MAPK4: variants seen among roughly 807,000 people sequenced by gnomAD.
The protein encoded by MAPK4 is mitogen-activated protein kinase 4.
Under a neutral mutation model 47.7 loss-of-function variants are expected in MAPK4, and 22 were observed. That is an observed-to-expected ratio of 0.46 (90% CI 0.33 to 0.66). The LOEUF (loss-of-function observed/expected upper bound fraction) is 0.66, where lower values mean the gene tolerates loss of function less well. MAPK4 is among the 30% of genes least tolerant of loss of function. MAPK4 has a pLI of 0.02. For synonymous variants in MAPK4, 390 were observed against 365.7 expected (o/e 1.07, Z -0.76); for missense variants, 736 against 831.7 (o/e 0.88, Z 1.42).
chr18:50,714,904 GC>G, intron 2 of MAPK4, among the ~76,000 whole-genome samples, 174 bp from the exon 3 acceptor site: 1 of 152,198 alleles, frequency 6.6e-6, no homozygotes, highest in Non-Finnish European at 1.5e-5. Flanking sequence ...ACCAGGCCCA[GC>G]CCCTCTAACC....
Position 50,678,827 on chromosome 18 carries a change from T to C in MAPK4, c.546+14323T>C, listed in dbSNP as rs948116888. ...GCAGCAGGAAAGGGGGAGCCATTCC[T>C]TGCCCTCCCTTTTGTGGCATGGCGG... On this transcript the variant is annotated intron_variant, in intron 2 of 5. Transcript: ENST00000400384. The surrounding 1 kb of genome is among the most constrained non-coding windows in gnomAD (Gnocchi z 4.2). Among the ~76,000 whole-genome samples the C allele has an allele frequency of 5.9e-5, 9 of 152,208 alleles. No individual in the cohort carries two copies. The highest frequency in any genetic ancestry group is 1.0e-4 in the Non-Finnish European group (7 of 68,034).
At chr18:50,563,109 C>T (rs1242865351) in intron 1 of MAPK4, among the ~76,000 whole-genome samples, 1 of 152,150 alleles carries the variant, frequency 6.6e-6, no homozygotes, top group Non-Finnish European at 1.5e-5. Context: ...AACTTGAAAG[C>T]CTCTCTGAAA....
At chr18:50,721,233 T>C (rs1207680593) in intron 3 of MAPK4, among the ~76,000 whole-genome samples, 1 of 152,184 alleles carries the variant, frequency 6.6e-6, no homozygotes, top group Non-Finnish European at 1.5e-5. Context: ...AGACTGAAGC[T>C]TCTTATGAAT....
At chr18:50,717,090 G>A (rs1298343888) in intron 3 of MAPK4, among the ~76,000 whole-genome samples, 1 of 152,156 alleles carries the variant, frequency 6.6e-6, no homozygotes, top group Admixed American at 6.5e-5. Context: ...TTCTGGCTGT[G>A]AGGCTGATGT....
chr18:50,589,456 C>T lies in MAPK4; in HGVS notation c.-871+29213C>T, dbSNP rs558846940. Among the ~76,000 whole-genome samples, 318 of 151,894 alleles carry T rather than the reference C, an allele frequency of 2.1e-3. 3 individuals are homozygous for T. Among genetic ancestry groups the T allele is most frequent in the African/African-American group, 6.3e-3 (259 of 41,440 alleles). The stretch of plus-strand genomic sequence containing the variant: ...CTAAAAATACAAAAAATTAGCCGAG[C>T]GTGGTGGCGGGCGCCTGTAGTCCCA... On this transcript the variant is annotated intron_variant, in intron 1 of 5. Transcript: ENST00000400384.
chr18:50,703,313 C>G (rs896409802), intron 2 of MAPK4, among the ~76,000 whole-genome samples: 1 of 152,210 alleles, frequency 6.6e-6, no homozygotes, highest in South Asian at 2.1e-4. Context: ...CTTGCCCAGC[C>G]TCCCTTTCCT....
intron 1 of MAPK4, among the ~76,000 whole-genome samples, chr18:50,609,559 C>T (rs1438830465): frequency 6.6e-6 from 1 of 152,144 alleles, no homozygotes; most frequent in Non-Finnish European, 1.5e-5. Flanking sequence ...ACTCCTTCTA[C>T]TTTGCCACTA....
rs72917603 is a variant in MAPK4, at chr18:50,568,226, G to C, written c.-871+7983G>C. On this transcript the variant is annotated intron_variant, in intron 1 of 5. Transcript: ENST00000400384. Reference sequence around the variant, plus strand: ...AAAAAAAAAAGAAAAAAGAAAAAAAGAATTCCATACAACCCTCATGTTCCA... The same window carrying C: ...AAAAAAAAAAGAAAAAAGAAAAAAACAATTCCATACAACCCTCATGTTCCA... 5.0e-3 allele frequency among the ~76,000 whole-genome samples: 760 copies of C among 150,922 alleles called. 5 individuals are homozygous for C. Among genetic ancestry groups the C allele is most frequent in the Admixed American group, 7.2e-3 (110 of 15,184 alleles).
chr18:50,640,638 G>C (rs1345266550), intron 1 of MAPK4, among the ~76,000 whole-genome samples: 2 of 152,036 alleles, frequency 1.3e-5, no homozygotes, highest in Non-Finnish European at 2.9e-5. Flanking sequence ...GCTAATTTTT[G>C]TATTTTTAGT....
intron 2 of MAPK4, among the ~76,000 whole-genome samples, chr18:50,671,297 G>A (rs1014598018): frequency 4.6e-5 from 7 of 152,180 alleles, no homozygotes; most frequent in Non-Finnish European, 8.8e-5. Flanking sequence ...TAGGAGGACT[G>A]TTTATGTTTA....
intron 1 of MAPK4, among the ~76,000 whole-genome samples, chr18:50,629,267 G>A (rs1034612993): frequency 2.0e-5 from 3 of 152,204 alleles, no homozygotes; most frequent in African/African-American, 4.8e-5. Context: ...TTCCCCAAGC[G>A]GTAGCAGAAA....
chr18:50,669,771 C>A (rs1907817359), intron 2 of MAPK4: 1 of 152,228 alleles, frequency 6.6e-6, no homozygotes. Flanking sequence ...TAATTCTAAT[C>A]CCCTGGCAGA....
At position 50,729,979 on chromosome 18, in the gene MAPK4, T is replaced by G. The variant is rs1911470206; in HGVS notation, c.*125T>G. 1.0e-6 allele frequency: 1 copy of G among 974,300 alleles called. No individual in the cohort carries two copies. The highest frequency in any genetic ancestry group is 1.6e-5 in the African/African-American group (1 of 61,062). 60.4% of individuals were successfully genotyped at this position (974,300 alleles called of 1,614,324 possible). A position where few individuals can be genotyped will look rare whatever the true frequency, so the allele number is the denominator to read the frequency against. Reference sequence around the variant, plus strand: ...TGGGGTTGGCAGAACACGTGAAGGATCCGAGGAGCGAGAGGAATGTCCATT... The same window carrying G: ...TGGGGTTGGCAGAACACGTGAAGGAGCCGAGGAGCGAGAGGAATGTCCATT... On this transcript the variant is annotated 3_prime_UTR_variant, in exon 6 of 6. Coordinates refer to ENST00000400384, the MANE Select transcript of MAPK4 (RefSeq NM_002747.4).
chr18:50,633,453 A>G (rs111412694), intron 1 of MAPK4, among the ~76,000 whole-genome samples: 2,202 of 152,234 alleles, frequency 0.014, 47 homozygotes, highest in African/African-American at 0.045. Context: ...ATCCCAGTTG[A>G]TGTATAAACA....
In MAPK4 at chr18:50,579,008, T is replaced by C. The variant is rs183000349; in HGVS notation, c.-871+18765T>C. 1.1e-4 allele frequency among the ~76,000 whole-genome samples: 17 copies of C among 152,262 alleles called. No individual in the cohort carries two copies. In the East Asian group the frequency reaches 3.1e-3, roughly 28 times the overall value. ...CTCGCATGGAGAACCATACATGGCT[T>C]ATGATAACTGGGGTAAAGAATTGGA... On this transcript the variant is annotated intron_variant, in intron 1 of 5. Transcript: ENST00000400384.
At chr18:50,562,068 G>T (rs990098328) in intron 1 of MAPK4, among the ~76,000 whole-genome samples, 5 of 152,208 alleles carry the variant, frequency 3.3e-5, no homozygotes, top group African/African-American at 1.2e-4. Flanking sequence ...ATCTGATCCA[G>T]AAGTTCTAGA....
intron 1 of MAPK4, among the ~76,000 whole-genome samples, chr18:50,631,531 C>T (rs533552610): frequency 2.0e-5 from 3 of 152,316 alleles, no homozygotes; most frequent in Admixed American, 6.5e-5. Context: ...CTTAGCGTCT[C>T]CTAAGTGTGA....
chr18:50,631,759 C>G (rs897329366), intron 1 of MAPK4, among the ~76,000 whole-genome samples: 4 of 152,216 alleles, frequency 2.6e-5, no homozygotes. Context: ...ACTGGCCTCA[C>G]AGTGTCCTTC....
At chr18:50,720,693 T>C (rs1384840152) in intron 3 of MAPK4, among the ~76,000 whole-genome samples, 1 of 152,166 alleles carries the variant, frequency 6.6e-6, no homozygotes, top group Non-Finnish European at 1.5e-5. Context: ...TGCAGCTTGA[T>C]CACCCATTGA....
Sources: allele counts gnomAD v4.1 joint callset (sites outside exome capture counted in the v4.1 genomes callset), GRCh38; gene constraint gnomAD v4.1.1; non-coding constraint Gnocchi (gnomAD v3.1); transcripts MANE v1.5; gene names NCBI Gene and HGNC (gene_info 2026-07-23, HGNC 2026-07-21).